Variants in NEXMIF observed in about 807,000 individuals in gnomAD.
NEXMIF encodes neurite extension and migration factor, also known as XLMR protein related to neurite extension.
NEXMIF carries 8 observed loss-of-function variants against 62.1 expected under a neutral mutation model. That is an observed-to-expected ratio of 0.13 (90% CI 0.08 to 0.23). The LOEUF (loss-of-function observed/expected upper bound fraction) is 0.23. Ranked by LOEUF, NEXMIF falls within the 10% of genes least tolerant of loss-of-function variation. The probability of loss-of-function intolerance (pLI) is 1.00; values close to 1 mark genes in which losing one functional copy is unlikely to be tolerated. For missense variants in NEXMIF, 976 were observed against 1,113.3 expected, an observed-to-expected ratio of 0.88 and a Z score of 1.75; for synonymous variants, 404 against 416.6, an observed-to-expected ratio of 0.97 and a Z score of 0.37.
intron 1 of NEXMIF, among the ~76,000 whole-genome samples, chrX:74,851,405 G>A (rs759062198): frequency 9.0e-6 from 1 of 111,018 alleles, no homozygotes; most frequent in Non-Finnish European, 1.9e-5. Flanking sequence ...GTCTAAAAAG[G>A]TCTTATCCAC....
intron 1 of NEXMIF, among the ~76,000 whole-genome samples, chrX:74,881,040 C>G (rs2080660728): frequency 8.9e-6 from 1 of 111,865 alleles, no homozygotes; most frequent in South Asian, 3.7e-4. Context: ...CTTCTGCAGA[C>G]AGCTTTGAGG....
At chrX:74,859,318 G>A (rs1350407189) in intron 1 of NEXMIF, among the ~76,000 whole-genome samples, 2 of 111,753 alleles carry the variant, frequency 1.8e-5, no homozygotes, top group African/African-American at 6.5e-5. Context: ...CAGACTTTTC[G>A]GTAGAAACCT....
intron 1 of NEXMIF, among the ~76,000 whole-genome samples, chrX:74,762,432 G>A (rs1037907279): frequency 2.4e-4 from 27 of 111,454 alleles, no homozygotes; most frequent in African/African-American, 6.5e-4. Context: ...ATATGTGTGC[G>A]TGTGTCTTTA....
At chrX:74,872,961 T>C (rs758364901) in intron 1 of NEXMIF, among the ~76,000 whole-genome samples, 2 of 110,561 alleles carry the variant, frequency 1.8e-5, no homozygotes, top group Non-Finnish European at 3.8e-5. Context: ...TTATTTTTTT[T>C]AAAATTGTTT....
intron 1 of NEXMIF, among the ~76,000 whole-genome samples, chrX:74,913,803 T>C (rs769825112): frequency 9.0e-6 from 1 of 111,627 alleles, no homozygotes; most frequent in East Asian, 2.8e-4. Flanking sequence ...GATTTCTACA[T>C]CAGGTGAAAA....
chrX:74,888,731 TCAAA>T (rs1172012685), intron 1 of NEXMIF, among the ~76,000 whole-genome samples: 2 of 111,767 alleles, frequency 1.8e-5, no homozygotes, highest in Admixed American at 1.9e-4. Context: ...AAGAATGATG[TCAAA>T]CATTTTCAAG....
chrX:74,872,947 GTTT>G (rs1569359255), intron 1 of NEXMIF, among the ~76,000 whole-genome samples: 4 of 107,296 alleles, frequency 3.7e-5, no homozygotes, highest in African/African-American at 1.3e-4. Flanking sequence ...TATTTTTTTA[GTTT>G]TTATTTTTTT....
chrX:74,785,109 AT>A (rs1263498397), intron 1 of NEXMIF, among the ~76,000 whole-genome samples: 1 of 110,872 alleles, frequency 9.0e-6, no homozygotes, highest in African/African-American at 3.3e-5. Context: ...CCCATTATTG[AT>A]TCTGCTTTCT....
intron 1 of NEXMIF, among the ~76,000 whole-genome samples, chrX:74,824,784 G>A (rs2080409088): frequency 9.1e-6 from 1 of 109,686 alleles, no homozygotes; most frequent in Non-Finnish European, 1.9e-5. Context: ...CAGCAGCTGG[G>A]GCTACAGGCA....
intron 1 of NEXMIF, among the ~76,000 whole-genome samples, chrX:74,754,170 C>T (rs1205143151): frequency 5.4e-5 from 6 of 111,294 alleles, no homozygotes; most frequent in Non-Finnish European, 9.4e-5. Context: ...CCATGTTGGC[C>T]AGGCTGGTCT....
intron 1 of NEXMIF, among the ~76,000 whole-genome samples, chrX:74,805,746 T>C (rs906470922): frequency 1.8e-5 from 2 of 112,067 alleles, no homozygotes; most frequent in African/African-American, 6.5e-5. Flanking sequence ...GAGTCTTTTC[T>C]CCTTTGCTTA....
chrX:74,876,279 G>C (rs1171980282), intron 1 of NEXMIF, among the ~76,000 whole-genome samples: 2 of 111,502 alleles, frequency 1.8e-5, no homozygotes, highest in Non-Finnish European at 3.8e-5. Flanking sequence ...AGGTTGCTCA[G>C]TTTCAATGTA....
chrX:74,827,402 C>G (rs929548079), intron 1 of NEXMIF, among the ~76,000 whole-genome samples: 86 of 111,692 alleles, frequency 7.7e-4, no homozygotes, highest in African/African-American at 2.7e-3. Flanking sequence ...GGGCCCAACT[C>G]CATTCCAGTT....
At chrX:74,756,960 G>A (rs1391975440) in intron 1 of NEXMIF, among the ~76,000 whole-genome samples, 2 of 111,635 alleles carry the variant, frequency 1.8e-5, no homozygotes, top group Non-Finnish European at 3.8e-5. Flanking sequence ...ACTTCTAGGG[G>A]CTAGCCTTCT....
chrX:74,884,548 C>A (rs1019592096), intron 1 of NEXMIF, among the ~76,000 whole-genome samples: 6 of 111,550 alleles, frequency 5.4e-5, no homozygotes, highest in South Asian at 3.8e-4. Flanking sequence ...AGAGACAAAG[C>A]AGGCCATTAT....
intron 1 of NEXMIF, among the ~76,000 whole-genome samples, chrX:74,811,991 G>C (rs917100919): frequency 8.8e-6 from 1 of 113,056 alleles, no homozygotes; most frequent in Non-Finnish European, 1.9e-5. Context: ...TAGCTTCAAA[G>C]AGAATATTTA....
At chrX:74,803,396 A>T (rs2080335658) in intron 1 of NEXMIF, among the ~76,000 whole-genome samples, 1 of 110,018 alleles carries the variant, frequency 9.1e-6, no homozygotes. Context: ...TAAAAATACA[A>T]AAATAAATAA....
intron 1 of NEXMIF, among the ~76,000 whole-genome samples, chrX:74,913,059 A>G (rs1158874737): frequency 1.8e-5 from 2 of 112,211 alleles, no homozygotes; most frequent in African/African-American, 6.5e-5. Context: ...TATAAAAATC[A>G]CTTATCATAC....
At chrX:74,878,161 G>GT (rs2080645672) in intron 1 of NEXMIF, among the ~76,000 whole-genome samples, 1 of 111,417 alleles carries the variant, frequency 9.0e-6, no homozygotes, top group African/African-American at 3.3e-5. Flanking sequence ...GTACAGATGG[G>GT]TTTTTGGTGT....
Sources: allele counts gnomAD v4.1 joint callset (sites outside exome capture counted in the v4.1 genomes callset), GRCh38; gene constraint gnomAD v4.1.1; transcripts MANE v1.5; gene names NCBI Gene and HGNC (gene_info 2026-07-23, HGNC 2026-07-21).